The following PCNX2 variants were observed in gnomAD, a reference collection of about 807,000 sequenced individuals.
The protein encoded by PCNX2 is pecanex-like protein 2.
Under a neutral mutation model 223.8 loss-of-function variants are expected in PCNX2, and 168 were observed. That is an observed-to-expected ratio of 0.75 (90% CI 0.66 to 0.85). The LOEUF is 0.85. Among genes scored for constraint, PCNX2 ranks in the 40% least tolerant of loss-of-function variants. The pLI is 0.00. For synonymous variants in PCNX2, 1,006 were observed against 1,052.6 expected, an observed-to-expected ratio of 0.96 and a Z score of 0.86; for missense variants, 2,507 against 2,675.5, an observed-to-expected ratio of 0.94 and a Z score of 1.39.
chr1:233,286,409 T>C (rs953937563), intron 1 of PCNX2, among the ~76,000 whole-genome samples: 3 of 151,714 alleles, frequency 2.0e-5, no homozygotes, highest in Admixed American at 1.3e-4. Flanking sequence ...CTAGAAAAGG[T>C]GAAAGATCAG....
chr1:233,279,389 T>TTG (rs57288356), intron 1 of PCNX2, among the ~76,000 whole-genome samples: 9,213 of 142,582 alleles, frequency 0.065, 338 homozygotes, highest in African/African-American at 0.1. Flanking sequence ...TAATTTGTGT[T>TTG]TGTGTGTGTG....
chr1:233,172,278 A>C, intron 17 of PCNX2: 2 of 904,458 alleles, frequency 2.2e-6, no homozygotes, highest in Non-Finnish European at 2.6e-6. Context: ...CTGGTTTGGG[A>C]AACACTTGGA....
intron 1 of PCNX2, among the ~76,000 whole-genome samples, chr1:233,293,197 C>CT (rs1224266815): frequency 5.3e-5 from 8 of 152,260 alleles, no homozygotes; most frequent in Non-Finnish European, 7.3e-5. Flanking sequence ...GAAAAAACAT[C>CT]TGCAGGAACA....
At chr1:233,133,095 C>T (rs182960204) in intron 21 of PCNX2, among the ~76,000 whole-genome samples, 2 of 151,970 alleles carry the variant, frequency 1.3e-5, no homozygotes, top group Non-Finnish European at 2.9e-5. Flanking sequence ...GACTGGGTTT[C>T]GCCATGTTGC....
At chr1:233,124,138 T>C (rs1344044715) in intron 21 of PCNX2, among the ~76,000 whole-genome samples, 1 of 152,224 alleles carries the variant, frequency 6.6e-6, no homozygotes, top group Non-Finnish European at 1.5e-5. Flanking sequence ...TTATCATCTA[T>C]ACTTTCAAAT....
At chr1:233,248,541 C>A (rs564238401) in intron 8 of PCNX2, among the ~76,000 whole-genome samples, 1 of 152,108 alleles carries the variant, frequency 6.6e-6, no homozygotes, top group African/African-American at 2.4e-5. Flanking sequence ...AACAGAGGAG[C>A]AGGAGAGCGA....
intron 15 of PCNX2, among the ~76,000 whole-genome samples, chr1:233,193,726 C>T (rs535422732): frequency 4.9e-4 from 74 of 152,064 alleles, no homozygotes; most frequent in African/African-American, 1.6e-3. Flanking sequence ...TGGGTAATTT[C>T]GAAAGAAAAA....
chr1:233,110,230 T>C (rs1324539602), intron 21 of PCNX2, among the ~76,000 whole-genome samples: 3 of 152,022 alleles, frequency 2.0e-5, no homozygotes, highest in East Asian at 3.9e-4. Flanking sequence ...TTCAAACTGC[T>C]GAAAACAAAC....
At chr1:233,172,644 A>G in intron 17 of PCNX2, 1 of 741,878 alleles carries the variant, frequency 1.3e-6, no homozygotes, top group Non-Finnish European at 1.6e-6. Context: ...CTGAAAAACA[A>G]GGCTTAAGGT....
intron 28 of PCNX2, among the ~76,000 whole-genome samples, chr1:233,012,562 C>T (rs576302754): frequency 6.6e-6 from 1 of 152,138 alleles, no homozygotes; most frequent in East Asian, 1.9e-4. Context: ...CCCAGAGTTA[C>T]CTCATCACCA....
rs1014416278 is a variant in PCNX2, at chr1:233,197,168, G to A, written c.3066+1771C>T. Reference sequence around the variant, plus strand: ...GAACATTTTTTGAGTTGGTGAAAATGCTCTCATAACTTGATTGTAGGATTA... The same window carrying A: ...GAACATTTTTTGAGTTGGTGAAAATACTCTCATAACTTGATTGTAGGATTA... On this transcript the variant is annotated intron_variant, in intron 15 of 33. Coordinates refer to ENST00000258229, the MANE Select transcript of PCNX2 (RefSeq NM_014801.4). Among the ~76,000 whole-genome samples the A allele has an allele frequency of 1.1e-4, 17 of 152,262 alleles. No homozygotes were observed. In the East Asian group the frequency reaches 2.9e-3, roughly 26 times the overall value.
At chr1:233,123,574 C>T (rs1285033023) in intron 21 of PCNX2, among the ~76,000 whole-genome samples, 13 of 146,100 alleles carry the variant, frequency 8.9e-5, no homozygotes. Flanking sequence ...AAGAGCAAGA[C>T]TCTGTCTCAA....
At chr1:233,057,397 C>A (rs1375861867) in intron 23 of PCNX2, 107 bp from the exon 24 acceptor site, 1 of 837,308 alleles carries the variant, frequency 1.2e-6, no homozygotes, top group Non-Finnish European at 2.0e-6. Context: ...GGTGACAGAT[C>A]TCACAGGTTA....
At chr1:233,318,617 G>A in the PCNX2 span, among the ~76,000 whole-genome samples, 1,467 of 139,346 alleles carry the variant, frequency 0.011, 26 homozygotes, top group African/African-American at 0.037. Context: ...AGGCTGGAGT[G>A]CGGTAATGCA....
intron 23 of PCNX2, 70 bp downstream of exon 23, chr1:233,089,991 A>T (rs933236002): frequency 1.9e-6 from 3 of 1,602,308 alleles, no homozygotes; most frequent in Non-Finnish European, 2.6e-6. Flanking sequence ...CTCCTAACAG[A>T]GGAAGGCAGA....
At chr1:233,163,165 G>A (rs1678593042) in intron 17 of PCNX2, among the ~76,000 whole-genome samples, 1 of 151,856 alleles carries the variant, frequency 6.6e-6, no homozygotes, top group Admixed American at 6.6e-5. Flanking sequence ...AGATAAAATT[G>A]GTACCAAAAA....
intron 9 of PCNX2, 83 bp downstream of exon 9, chr1:233,236,761 TG>T: frequency 6.4e-7 from 1 of 1,554,624 alleles, no homozygotes; most frequent in Non-Finnish European, 8.7e-7. Context: ...TGACTAATCC[TG>T]TCAAGTAATC....
chr1:233,076,478 T>C (rs888801545), intron 23 of PCNX2, among the ~76,000 whole-genome samples: 2 of 152,198 alleles, frequency 1.3e-5, no homozygotes, highest in African/African-American at 2.4e-5. Context: ...GGCAGCAACT[T>C]GAGAAGACAC....
chr1:233,055,292 C>T (rs1355409773), intron 24 of PCNX2, among the ~76,000 whole-genome samples: 1 of 152,150 alleles, frequency 6.6e-6, no homozygotes, highest in Non-Finnish European at 1.5e-5. Flanking sequence ...GAATTGTCCA[C>T]TGTTGCTTGT....
Sources: gnomAD v4.1 joint callset for allele counts (sites outside exome capture counted in the v4.1 genomes callset) on GRCh38, gnomAD v4.1.1 for gene constraint, MANE v1.5 for transcripts, NCBI Gene and HGNC (gene_info 2026-07-23, HGNC 2026-07-21) for gene names.